Variants in OTUD7A observed in about 807,000 individuals in gnomAD.
The protein encoded by OTUD7A is OTU domain-containing protein 7A.
In OTUD7A, 12 loss-of-function variants were observed where a neutral mutation model predicts 65.7. The observed-to-expected ratio is 0.18, with a 90% CI of 0.12 to 0.30. The LOEUF is 0.30. OTUD7A is among the 10% of genes least tolerant of loss of function. The pLI is 1.00. For missense variants in OTUD7A, 1,148 were observed against 1,304.8 expected, an observed-to-expected ratio of 0.88 and a Z score of 1.85; for synonymous variants, 641 against 586.3, an observed-to-expected ratio of 1.09 and a Z score of -1.35.
intron 8 of OTUD7A, among the ~76,000 whole-genome samples, chr15:31,515,172 A>T (rs2041824538): frequency 6.6e-6 from 1 of 152,134 alleles, no homozygotes; most frequent in Non-Finnish European, 1.5e-5. Flanking sequence ...TTCCTTCCCT[A>T]ATTCAAGGAA....
chr15:31,635,410 G>A (rs773359934), intron 3 of OTUD7A, among the ~76,000 whole-genome samples: 4 of 152,250 alleles, frequency 2.6e-5, no homozygotes, highest in Middle Eastern at 3.4e-3. Flanking sequence ...TAGGGCTAGC[G>A]GAGCAAATAA....
chr15:31,490,749 A>T (rs143200921), intron 10 of OTUD7A, among the ~76,000 whole-genome samples: 7 of 152,230 alleles, frequency 4.6e-5, no homozygotes, highest in Non-Finnish European at 7.3e-5. Context: ...CACAGGACCT[A>T]CCTGGTTCTC....
chr15:31,558,743 C>T (rs932277918), intron 5 of OTUD7A: 6 of 593,102 alleles, frequency 1.0e-5, no homozygotes, highest in East Asian at 2.8e-5. Context: ...GGGGAAAACT[C>T]GAGAGATTTC....
chr15:31,584,145 TTTAA>T (rs1448291469), intron 3 of OTUD7A, among the ~76,000 whole-genome samples: 1 of 152,206 alleles, frequency 6.6e-6, no homozygotes, highest in Admixed American at 6.5e-5. Context: ...CAAGGGAAGC[TTTAA>T]TTCTCAGCTC....
chr15:31,649,043 G>A (rs946585956), intron 3 of OTUD7A, among the ~76,000 whole-genome samples: 1 of 152,174 alleles, frequency 6.6e-6, no homozygotes, highest in Non-Finnish European at 1.5e-5. Context: ...TTACAGGCAT[G>A]AGCCACCACG....
chr15:31,621,298 C>G (rs1031969713), intron 3 of OTUD7A, among the ~76,000 whole-genome samples: 2 of 152,158 alleles, frequency 1.3e-5, no homozygotes, highest in African/African-American at 2.4e-5. Context: ...TGCTGCAGAG[C>G]TGAGTTCAAT....
intron 1 of OTUD7A, among the ~76,000 whole-genome samples, chr15:31,821,133 C>CTTTTTTTTTTTTT (rs35732957): frequency 2.1e-5 from 2 of 97,452 alleles, no homozygotes; most frequent in Non-Finnish European, 3.9e-5. Flanking sequence ...TTTTTCATTT[C>CTTTTTTTTTTTTT]TTTTTTTTTT....
intron 1 of OTUD7A, among the ~76,000 whole-genome samples, chr15:31,702,498 T>G (rs1298682675): frequency 6.6e-6 from 1 of 151,284 alleles, no homozygotes; most frequent in East Asian, 1.9e-4. Context: ...ATTAAAAATG[T>G]AATTCTATTT....
In OTUD7A at chr15:31,568,658, C is replaced by T. The variant is rs187876493; in HGVS notation, c.331+1360G>A. Among the ~76,000 whole-genome samples the T allele has an allele frequency of 4.1e-3, 618 of 152,302 alleles. 12 individuals carry two copies. Among genetic ancestry groups the T allele is most frequent in the Admixed American group, 0.037 (561 of 15,296 alleles). On this transcript the variant is annotated intron_variant, in intron 4 of 12. Coordinates refer to ENST00000307050, the MANE Select transcript of OTUD7A (RefSeq NM_001382637.1). ...ACCACCCAAATCTCATATTGAAATG[C>T]AATCCGCCATCTTGGAGGTAAGGCC...
intron 8 of OTUD7A, among the ~76,000 whole-genome samples, chr15:31,521,842 C>T (rs1046973842): frequency 5.9e-5 from 9 of 152,206 alleles, no homozygotes; most frequent in East Asian, 1.9e-4. Flanking sequence ...GTCCCCCAAA[C>T]GGTCCCTCTT....
intron 3 of OTUD7A, among the ~76,000 whole-genome samples, chr15:31,634,785 G>A (rs1215267704): frequency 6.6e-6 from 1 of 152,238 alleles, no homozygotes; most frequent in Non-Finnish European, 1.5e-5. Context: ...GGCTTCCCCA[G>A]TGTCCTCGCC....
At chr15:31,817,797 A>G (rs1456446891) in intron 1 of OTUD7A, among the ~76,000 whole-genome samples, 1 of 152,168 alleles carries the variant, frequency 6.6e-6, no homozygotes, top group African/African-American at 2.4e-5. Context: ...CCTGCTGCCC[A>G]CCTGCCTTTC....
intron 8 of OTUD7A, among the ~76,000 whole-genome samples, chr15:31,518,588 A>G (rs1397953437): frequency 1.3e-5 from 2 of 152,206 alleles, no homozygotes; most frequent in Non-Finnish European, 2.9e-5. Flanking sequence ...TATACTCACT[A>G]GTCCAACCAC....
chr15:31,638,292 A>C (rs910216923), intron 3 of OTUD7A, among the ~76,000 whole-genome samples: 1 of 152,178 alleles, frequency 6.6e-6, no homozygotes, highest in African/African-American at 2.4e-5. Context: ...TTTGGCAATA[A>C]AGTATTTTTT....
chr15:31,854,390 G>C (rs1468976070), intron 1 of OTUD7A, among the ~76,000 whole-genome samples: 2 of 152,170 alleles, frequency 1.3e-5, no homozygotes, highest in Admixed American at 6.5e-5. Context: ...CATATGCAGA[G>C]GTTCTGAGAA....
chr15:31,517,800 A>C (rs772850871), intron 8 of OTUD7A, among the ~76,000 whole-genome samples: 54 of 152,330 alleles, frequency 3.5e-4, no homozygotes, highest in Admixed American at 1.2e-3. Context: ...AGCAAGGTCC[A>C]GATGGTATCT....
At chr15:31,733,132 A>T (rs1185569775) in intron 1 of OTUD7A, among the ~76,000 whole-genome samples, 1 of 152,170 alleles carries the variant, frequency 6.6e-6, no homozygotes, top group Non-Finnish European at 1.5e-5. Flanking sequence ...AACCTGGCCA[A>T]GTTGGTGATG....
chr15:31,537,840 T>C (rs1887854929), intron 5 of OTUD7A, among the ~76,000 whole-genome samples: 1 of 152,152 alleles, frequency 6.6e-6, no homozygotes, highest in African/African-American at 2.4e-5. Flanking sequence ...ATAGGGAACA[T>C]GAGTAGACAA....
At chr15:31,736,337 A>T (rs1402090049) in intron 1 of OTUD7A, among the ~76,000 whole-genome samples, 1 of 152,232 alleles carries the variant, frequency 6.6e-6, no homozygotes, top group African/African-American at 2.4e-5. Context: ...TGATAATTAC[A>T]GAAGCTGGGT....
Sources: allele counts gnomAD v4.1 joint callset (sites outside exome capture counted in the v4.1 genomes callset), GRCh38; gene constraint gnomAD v4.1.1; transcripts MANE v1.5; gene names NCBI Gene and HGNC (gene_info 2026-07-23, HGNC 2026-07-21).